Variants in GPR39 observed in about 807,000 individuals in gnomAD.
GPR39 encodes G protein-coupled receptor 39, also known as zinc sensing receptor.
A neutral mutation model predicts 18.4 loss-of-function variants in GPR39; 23 were observed. The ratio of observed to expected loss-of-function variants is 1.25; its 90% CI spans 0.90 to 1.77. The LOEUF is 1.77. GPR39 is among the 40% of genes most tolerant of loss of function. GPR39 has a pLI of 0.00. For synonymous variants in GPR39, 280 were observed against 257.9 expected, an observed-to-expected ratio of 1.09 and a Z score of -0.82; for missense variants, 647 against 602.4, an observed-to-expected ratio of 1.07 and a Z score of -0.78.
intron 1 of GPR39, among the ~76,000 whole-genome samples, chr2:132,530,910 T>G (rs894812820): frequency 6.6e-6 from 1 of 152,130 alleles, no homozygotes; most frequent in Non-Finnish European, 1.5e-5. Context: ...TGCCAAATTG[T>G]AAAGACCATC....
chr2:132,576,606 T>C (rs1030023060), intron 1 of GPR39, among the ~76,000 whole-genome samples: 6 of 152,248 alleles, frequency 3.9e-5, no homozygotes, highest in East Asian at 3.9e-4. Context: ...TGAGCCAAGA[T>C]TGCACCACTG....
At chr2:132,464,215 GC>G (rs1680882450) in intron 1 of GPR39, among the ~76,000 whole-genome samples, 1 of 152,206 alleles carries the variant, frequency 6.6e-6, no homozygotes, top group South Asian at 2.1e-4. Context: ...CCAACACTGA[GC>G]CATCATCTGG....
intron 1 of GPR39, among the ~76,000 whole-genome samples, chr2:132,525,808 TC>T (rs1340305226): frequency 1.3e-5 from 2 of 152,154 alleles, no homozygotes; most frequent in Admixed American, 6.5e-5. Flanking sequence ...ACATGTCCCT[TC>T]ATGTTGTTTA....
chr2:132,418,221 C>T (rs1320779026), intron 1 of GPR39, among the ~76,000 whole-genome samples: 1 of 152,154 alleles, frequency 6.6e-6, no homozygotes, highest in Non-Finnish European at 1.5e-5. Context: ...GACAATAATA[C>T]TAGAGAATAT....
intron 1 of GPR39, among the ~76,000 whole-genome samples, chr2:132,432,628 T>G (rs957040153): frequency 3.9e-5 from 6 of 152,194 alleles, no homozygotes; most frequent in Non-Finnish European, 8.8e-5. Context: ...ATCCAGAGAT[T>G]AGGACCTGGT....
At chr2:132,623,107 G>T (rs935086135) in intron 1 of GPR39, among the ~76,000 whole-genome samples, 1 of 152,094 alleles carries the variant, frequency 6.6e-6, no homozygotes, top group Admixed American at 6.6e-5. Flanking sequence ...GCGAGACTCT[G>T]TCTCAAATAA....
intron 1 of GPR39, among the ~76,000 whole-genome samples, chr2:132,565,843 T>G (rs1680341812): frequency 6.6e-6 from 1 of 151,044 alleles, no homozygotes; most frequent in Non-Finnish European, 1.5e-5. Context: ...CTATTGTGAA[T>G]AATGCTGCAA....
At chr2:132,471,700 T>C in intron 1 of GPR39, among the ~76,000 whole-genome samples, 1 of 151,476 alleles carries the variant, frequency 6.6e-6, no homozygotes, top group East Asian at 2.0e-4. Flanking sequence ...TTAACTTCAC[T>C]TTCAATAGGC....
chr2:132,529,908 CA>C (rs949566423), intron 1 of GPR39, among the ~76,000 whole-genome samples: 24 of 152,146 alleles, frequency 1.6e-4, no homozygotes, highest in African/African-American at 5.6e-4. Context: ...GGGGAAAAAA[CA>C]GAGCAGAAAA....
chr2:132,558,729 G>C (rs1202988563), intron 1 of GPR39, among the ~76,000 whole-genome samples: 1 of 152,158 alleles, frequency 6.6e-6, no homozygotes, highest in East Asian at 1.9e-4. Context: ...TATTTTTATA[G>C]TATGGCAAGT....
intron 1 of GPR39, among the ~76,000 whole-genome samples, chr2:132,612,245 C>G (rs1681250577): frequency 6.6e-6 from 1 of 152,144 alleles, no homozygotes; most frequent in Non-Finnish European, 1.5e-5. Context: ...GGAGCTTCCC[C>G]TGGACTCATG....
chr2:132,616,154 G>C (rs922901497), intron 1 of GPR39, among the ~76,000 whole-genome samples: 1 of 151,976 alleles, frequency 6.6e-6, no homozygotes, highest in Non-Finnish European at 1.5e-5. Flanking sequence ...TTTATATGTG[G>C]GTTCTCAGCT....
intron 1 of GPR39, among the ~76,000 whole-genome samples, chr2:132,501,945 T>G (rs1395739954): frequency 1.3e-5 from 2 of 152,164 alleles, no homozygotes; most frequent in Non-Finnish European, 2.9e-5. Context: ...TTTCCACACC[T>G]TTACCTTAAG....
intron 1 of GPR39, among the ~76,000 whole-genome samples, chr2:132,581,945 C>T (rs993448054): frequency 6.8e-6 from 1 of 147,760 alleles, no homozygotes; most frequent in African/African-American, 2.5e-5. Context: ...GCAGATGTTT[C>T]AAAAAAAAAA....
intron 1 of GPR39, among the ~76,000 whole-genome samples, chr2:132,561,038 C>T (rs767862846): frequency 2.0e-5 from 3 of 151,722 alleles, no homozygotes; most frequent in African/African-American, 4.8e-5. Flanking sequence ...CTCTGCTTCC[C>T]GAGTAGCTGG....
At chr2:132,475,539 C>A (rs1439455774) in intron 1 of GPR39, among the ~76,000 whole-genome samples, 1 of 151,984 alleles carries the variant, frequency 6.6e-6, no homozygotes, top group African/African-American at 2.4e-5. Context: ...TTGGCTGGCC[C>A]AGAGGGTTCA....
In GPR39 at chr2:132,513,358, G is replaced by A. The variant is rs528367683; in HGVS notation, c.856+95460G>A. 5.3e-5 allele frequency among the ~76,000 whole-genome samples: 8 copies of A among 152,274 alleles called. 1 individual carries two copies. In the South Asian group the frequency reaches 1.7e-3, roughly 32 times the overall value. ...GGCGCCTGTAGTCCCAGCTACTCAGGAGGCTGAAGCGGGAGGATGGCGTGA... is the reference window on the plus strand; with the variant it reads ...GGCGCCTGTAGTCCCAGCTACTCAGAAGGCTGAAGCGGGAGGATGGCGTGA... On this transcript the variant is annotated intron_variant, in intron 1 of 1. Coordinates refer to ENST00000329321, the MANE Select transcript of GPR39 (RefSeq NM_001508.3).
At chr2:132,560,753 T>A (rs949632235) in intron 1 of GPR39, among the ~76,000 whole-genome samples, 9 of 152,118 alleles carry the variant, frequency 5.9e-5, no homozygotes, top group African/African-American at 1.9e-4. Context: ...TTCTCCTCTC[T>A]CCAAACATCC....
At chr2:132,567,460 A>T (rs927051621) in intron 1 of GPR39, among the ~76,000 whole-genome samples, 13 of 152,204 alleles carry the variant, frequency 8.5e-5, no homozygotes, top group Admixed American at 6.5e-5. Flanking sequence ...CTGTTATAAA[A>T]GCTAGTTTGG....
Sources: gnomAD v4.1 joint callset for allele counts (sites outside exome capture counted in the v4.1 genomes callset) on GRCh38, gnomAD v4.1.1 for gene constraint, MANE v1.5 for transcripts, NCBI Gene and HGNC (gene_info 2026-07-23, HGNC 2026-07-21) for gene names.